LRIF1: variants seen among roughly 807,000 people sequenced by gnomAD.
LRIF1 encodes the protein ligand-dependent nuclear receptor-interacting factor 1.
LRIF1 carries 32 observed loss-of-function variants against 52.7 expected under a neutral mutation model. That is an observed-to-expected ratio of 0.61 (90% confidence interval 0.46 to 0.82). The LOEUF (loss-of-function observed/expected upper bound fraction) is 0.82, where lower values mean the gene tolerates loss of function less well. Among genes scored for constraint, LRIF1 ranks in the 40% least tolerant of loss-of-function variants. LRIF1 has a pLI of 0.00. For synonymous variants in LRIF1, 323 were observed against 317.4 expected, an observed-to-expected ratio of 1.02 and a Z score of -0.19; for missense variants, 887 against 892.0, an observed-to-expected ratio of 0.99 and a Z score of 0.07.
chr1:110,909,573 C>CTTTTTTT, the LRIF1 span, among the ~76,000 whole-genome samples: 7 of 78,018 alleles, frequency 9.0e-5, no homozygotes, highest in East Asian at 4.2e-4. Flanking sequence ...GCAGGGGTAG[C>CTTTTTTT]TTTTTTTTTT....
the LRIF1 span, among the ~76,000 whole-genome samples, chr1:110,922,325 C>T: frequency 1.3e-5 from 2 of 152,180 alleles, no homozygotes; most frequent in African/African-American, 2.4e-5. Context: ...AGGATGAGTT[C>T]AGCCTTCTTC....
the LRIF1 span, among the ~76,000 whole-genome samples, chr1:110,891,666 G>T: frequency 3.3e-5 from 5 of 152,128 alleles, no homozygotes; most frequent in Non-Finnish European, 7.4e-5. Flanking sequence ...AAATTGAAAG[G>T]TACCAGTGCA....
chr1:110,914,108 C>T, the LRIF1 span, among the ~76,000 whole-genome samples: 1 of 151,984 alleles, frequency 6.6e-6, no homozygotes, highest in Non-Finnish European at 1.5e-5. Context: ...TCATTAAGTA[C>T]ACATGGACAC....
chr1:110,957,330 G>T (rs1013522050), intron 1 of LRIF1, among the ~76,000 whole-genome samples: 13 of 148,104 alleles, frequency 8.8e-5, no homozygotes, highest in Non-Finnish European at 1.6e-4. Flanking sequence ...AAAATTAGCC[G>T]GGCGTGGTAG....
chr1:110,892,304 C>G, the LRIF1 span: 10 of 1,493,702 alleles, frequency 6.7e-6, no homozygotes, highest in East Asian at 2.3e-4. Flanking sequence ...TACCCAAGAA[C>G]CACATTTTGC....
chr1:110,908,303 G>T, the LRIF1 span, among the ~76,000 whole-genome samples: 1 of 152,150 alleles, frequency 6.6e-6, no homozygotes, highest in Non-Finnish European at 1.5e-5. Flanking sequence ...GCCTACACAG[G>T]TGAGAAAGTG....
the LRIF1 span, among the ~76,000 whole-genome samples, chr1:110,906,082 A>C: frequency 6.6e-6 from 1 of 152,172 alleles, no homozygotes; most frequent in African/African-American, 2.4e-5. Context: ...AAAAATCTTC[A>C]CTAAAGGAAG....
chr1:110,892,279 G>T, the LRIF1 span: 1 of 1,077,540 alleles, frequency 9.3e-7, no homozygotes, highest in South Asian at 1.2e-5. Context: ...TCAAGGAAGT[G>T]AGAATATGAG....
intron 1 of LRIF1, among the ~76,000 whole-genome samples, chr1:110,956,276 G>A (rs1307676054): frequency 6.6e-6 from 1 of 152,160 alleles, no homozygotes; most frequent in Non-Finnish European, 1.5e-5. Flanking sequence ...CTGTACTCGA[G>A]ATTTTTCTTG....
the LRIF1 span, chr1:110,940,620 G>A: frequency 6.6e-6 from 1 of 152,082 alleles, no homozygotes; most frequent in Non-Finnish European, 1.5e-5. Context: ...AAAATGTAGT[G>A]CATTTACACA....
downstream of LRIF1, among the ~76,000 whole-genome samples, chr1:110,946,950 C>A (rs1658223933): frequency 6.6e-6 from 1 of 152,090 alleles, no homozygotes; most frequent in Non-Finnish European, 1.5e-5. Flanking sequence ...AGCCACTGCA[C>A]CCGGCCTGAT....
the LRIF1 span, chr1:110,895,118 G>A: frequency 8.3e-7 from 1 of 1,205,340 alleles, no homozygotes; most frequent in Admixed American, 1.7e-5. Context: ...TAAATCCTTG[G>A]GGGCTAGTTC....
chr1:110,951,752 G>T lies in LRIF1; in HGVS notation c.1132C>A (p.Gln378Lys). 2 of 1,613,292 alleles carry T rather than the reference G, an allele frequency of 1.2e-6. No homozygotes were observed. The highest frequency in any genetic ancestry group is 8.5e-7 in the Non-Finnish European group (1 of 1,179,988). Residue 378 changes from glutamine (Q) to lysine (K), a missense_variant, in exon 2 of 4, where the codon CAA becomes AAA. Gln to Lys is a moderately conservative substitution (Grantham distance 53). Coordinates refer to ENST00000369763, the MANE Select transcript of LRIF1 (RefSeq NM_018372.4). ...AKKGTDVLPS[Q>K]IDQQNSVSPD... ...GAAACAGAATTCTGTTGGTCAATTT[G>T]TGATGGCAGAACATCTGTCCCCTTT...
chr1:110,953,603 G>GTA (rs1491562499), intron 1 of LRIF1, among the ~76,000 whole-genome samples: 6 of 151,996 alleles, frequency 3.9e-5, no homozygotes, highest in Non-Finnish European at 5.9e-5. Flanking sequence ...TTATTTCTTA[G>GTA]TATAGACTGT....
At chr1:110,914,417 G>A in the LRIF1 span, among the ~76,000 whole-genome samples, 1 of 152,272 alleles carries the variant, frequency 6.6e-6, no homozygotes, top group South Asian at 2.1e-4. Flanking sequence ...CAAAGAAGAG[G>A]AAATCTAAAC....
the LRIF1 span, among the ~76,000 whole-genome samples, chr1:110,910,458 G>A: frequency 6.6e-6 from 1 of 152,010 alleles, no homozygotes; most frequent in African/African-American, 2.4e-5. Context: ...ACAATTAGCT[G>A]GGCATGGCAG....
chr1:110,954,074 A>G (rs919862675), intron 1 of LRIF1, among the ~76,000 whole-genome samples: 1 of 152,154 alleles, frequency 6.6e-6, no homozygotes, highest in African/African-American at 2.4e-5. Context: ...TCAAGGGCAA[A>G]TAATAACGAT....
chr1:110,877,886 C>T, the LRIF1 span, among the ~76,000 whole-genome samples: 1 of 152,216 alleles, frequency 6.6e-6, no homozygotes, highest in East Asian at 1.9e-4. Flanking sequence ...ACTTTGATTG[C>T]ACCTCAGCCA....
At chr1:110,940,969 A>G in the LRIF1 span, 3 of 152,114 alleles carry the variant, frequency 2.0e-5, no homozygotes, top group Non-Finnish European at 4.4e-5. Flanking sequence ...TAAAATAACT[A>G]GAAGAGTGTA....
Sources: allele counts gnomAD v4.1 joint callset (sites outside exome capture counted in the v4.1 genomes callset), GRCh38; gene constraint gnomAD v4.1.1; transcripts MANE v1.5; gene names NCBI Gene and HGNC (gene_info 2026-07-23, HGNC 2026-07-21).